Variants in WWOX observed in about 807,000 individuals in gnomAD.
The protein encoded by WWOX is WW domain-containing oxidoreductase.
A neutral mutation model predicts 46.2 loss-of-function variants in WWOX; 69 were observed. The observed-to-expected ratio is 1.49, with a 90% CI of 1.23 to 1.82. WWOX has a LOEUF of 1.82. Among genes scored for constraint, WWOX ranks in the 40% most tolerant of loss-of-function variants. The probability of loss-of-function intolerance (pLI) is 0.00; values close to 1 mark genes in which losing one functional copy is unlikely to be tolerated. For synonymous variants in WWOX, 359 were observed against 202.6 expected (o/e 1.77, Z -6.56); for missense variants, 919 against 542.6 (o/e 1.69, Z -6.89).
At chr16:78,626,491 C>A (rs986327969) in intron 8 of WWOX, among the ~76,000 whole-genome samples, 1 of 152,092 alleles carries the variant, frequency 6.6e-6, no homozygotes, top group Admixed American at 6.5e-5. Context: ...TAATGAATTT[C>A]AGGGAGGAAG....
intron 5 of WWOX, among the ~76,000 whole-genome samples, chr16:78,251,475 C>T (rs192776552): frequency 7.7e-4 from 117 of 152,264 alleles, no homozygotes; most frequent in Non-Finnish European, 1.3e-3. Context: ...GTACAGGTGC[C>T]AGGCGTCTCT....
chr16:79,039,811 C>G (rs1326209214), intron 8 of WWOX, among the ~76,000 whole-genome samples: 1 of 152,172 alleles, frequency 6.6e-6, no homozygotes, highest in East Asian at 1.9e-4. Context: ...TTTGCGTGCT[C>G]TTCTGTCTGT....
At chr16:78,465,793 A>G (rs973701312) in intron 8 of WWOX, among the ~76,000 whole-genome samples, 5 of 152,130 alleles carry the variant, frequency 3.3e-5, no homozygotes, top group African/African-American at 9.7e-5. Flanking sequence ...TCTGTGTTTC[A>G]TGATTTTTTC....
intron 5 of WWOX, among the ~76,000 whole-genome samples, chr16:78,297,227 C>T (rs1040771783): frequency 1.3e-5 from 2 of 152,144 alleles, no homozygotes; most frequent in African/African-American, 4.8e-5. Context: ...TCGCACGGAG[C>T]ATGCAGCTGT....
At chr16:79,140,097 T>A (rs1192780417) in intron 8 of WWOX, among the ~76,000 whole-genome samples, 1 of 152,224 alleles carries the variant, frequency 6.6e-6, no homozygotes, top group Non-Finnish European at 1.5e-5. Flanking sequence ...TCAATGCTGT[T>A]GAGAACATTA....
Position 79,209,527 on chromosome 16 carries a change from G to C in WWOX, c.1057-2081G>C, listed in dbSNP as rs1053214554. ...TTGTGGCATAGAGGGCGGGAGGCTGGACTTGAAATGGGTGAGCTGGATTCT... is the reference window on the plus strand; with the variant it reads ...TTGTGGCATAGAGGGCGGGAGGCTGCACTTGAAATGGGTGAGCTGGATTCT... On this transcript the variant is annotated intron_variant, in intron 8 of 8. Transcript: ENST00000566780. Among the ~76,000 whole-genome samples, 6 of 152,104 alleles carry C rather than the reference G, an allele frequency of 3.9e-5. No homozygotes were observed. The South Asian group carries it at 1.0e-3, about 26-fold the overall frequency.
chr16:79,007,490 C>A (rs535108503), intron 8 of WWOX, among the ~76,000 whole-genome samples: 1 of 152,090 alleles, frequency 6.6e-6, no homozygotes, highest in Non-Finnish European at 1.5e-5. Flanking sequence ...TGCAAGGATC[C>A]GGGAGAAAGA....
chr16:78,796,553 C>G (rs1018086652), intron 8 of WWOX, among the ~76,000 whole-genome samples: 1 of 152,204 alleles, frequency 6.6e-6, no homozygotes, highest in Admixed American at 6.5e-5. Flanking sequence ...CTCAGGCTTG[C>G]TTTCTATTGT....
At chr16:78,493,802 G>A (rs187307241) in intron 8 of WWOX, among the ~76,000 whole-genome samples, 3 of 152,300 alleles carry the variant, frequency 2.0e-5, no homozygotes, top group Admixed American at 2.0e-4. Context: ...AGGTGGAATT[G>A]TTGTGTGAGC....
chr16:78,598,986 G>C (rs568886290), intron 8 of WWOX, among the ~76,000 whole-genome samples: 1 of 152,288 alleles, frequency 6.6e-6, no homozygotes, highest in Admixed American at 6.5e-5. Flanking sequence ...CCAGTAAGTG[G>C]CAGGGTCGGC....
chr16:78,137,843 G>A (rs2033853983), intron 4 of WWOX, among the ~76,000 whole-genome samples: 1 of 137,468 alleles, frequency 7.3e-6, no homozygotes, highest in Non-Finnish European at 1.6e-5. Context: ...TACTTGAGCA[G>A]TATCCATACT....
At chr16:78,952,917 A>T (rs1463863422) in intron 8 of WWOX, among the ~76,000 whole-genome samples, 1 of 152,150 alleles carries the variant, frequency 6.6e-6, no homozygotes, top group African/African-American at 2.4e-5. Flanking sequence ...TCAAAGGGAA[A>T]CCTGAAGCTG....
At chr16:78,167,496 G>A (rs942505988) in intron 5 of WWOX, 6 of 152,214 alleles carry the variant, frequency 3.9e-5, no homozygotes, top group Middle Eastern at 3.4e-3. Flanking sequence ...ATTCACCGTC[G>A]GGGACACAGA....
intron 8 of WWOX, among the ~76,000 whole-genome samples, chr16:78,916,832 G>A (rs1036326604): frequency 6.6e-6 from 1 of 152,196 alleles, no homozygotes; most frequent in Non-Finnish European, 1.5e-5. Flanking sequence ...AGTTGCCAGT[G>A]TTAAACCCTT....
intron 8 of WWOX, among the ~76,000 whole-genome samples, chr16:79,028,406 A>G (rs890258424): frequency 2.0e-5 from 3 of 151,862 alleles, no homozygotes; most frequent in African/African-American, 7.3e-5. Context: ...TCACAGAAAC[A>G]TGAGGCAGTG....
At chr16:78,668,745 T>C (rs887502486) in intron 8 of WWOX, among the ~76,000 whole-genome samples, 2 of 151,618 alleles carry the variant, frequency 1.3e-5, no homozygotes, top group Non-Finnish European at 2.9e-5. Flanking sequence ...GGAAGTTGAG[T>C]GATGGGGAAT....
At chr16:79,026,584 G>A (rs1037127770) in intron 8 of WWOX, among the ~76,000 whole-genome samples, 7 of 149,284 alleles carry the variant, frequency 4.7e-5, no homozygotes, top group Non-Finnish European at 7.4e-5. Context: ...CTCTAGGGGA[G>A]AGAACACAGA....
chr16:79,068,647 CAACAAA>C (rs2048486779), intron 8 of WWOX, among the ~76,000 whole-genome samples: 1 of 150,754 alleles, frequency 6.6e-6, no homozygotes, highest in Admixed American at 6.6e-5. Flanking sequence ...CAAACAACAA[CAACAAA>C]AAAAAAAATT....
intron 8 of WWOX, among the ~76,000 whole-genome samples, chr16:78,725,344 C>CTTTTTTTT (rs1220702069): frequency 3.4e-4 from 21 of 61,884 alleles, no homozygotes; most frequent in East Asian, 4.8e-4. Flanking sequence ...CTTTTCTTTT[C>CTTTTTTTT]TTTTTTTTTT....
Sources: allele counts gnomAD v4.1 joint callset (sites outside exome capture counted in the v4.1 genomes callset), GRCh38; gene constraint gnomAD v4.1.1; transcripts MANE v1.5; gene names NCBI Gene and HGNC (gene_info 2026-07-23, HGNC 2026-07-21).